The following TMEM196 variants were observed in gnomAD, a reference collection of about 807,000 sequenced individuals.
TMEM196 encodes the protein transmembrane protein 196.
Under a neutral mutation model 20.0 loss-of-function variants are expected in TMEM196, and 17 were observed. The observed-to-expected ratio is 0.85, with a 90% CI of 0.58 to 1.27. The LOEUF (loss-of-function observed/expected upper bound fraction) is 1.27. Among genes scored for constraint, TMEM196 ranks in the 50% most tolerant of loss-of-function variants. The probability of loss-of-function intolerance (pLI) is 0.00; values close to 1 mark genes in which losing one functional copy is unlikely to be tolerated. For missense variants in TMEM196, 267 were observed against 223.0 expected (o/e 1.20, Z -1.26); for synonymous variants, 113 against 88.9 (o/e 1.27, Z -1.52).
At chr7:19,728,047 T>G (rs1784061183) in intron 2 of TMEM196, among the ~76,000 whole-genome samples, 1 of 152,150 alleles carries the variant, frequency 6.6e-6, no homozygotes, top group South Asian at 2.1e-4. Flanking sequence ...GGGCGGTAGT[T>G]TCTTAAAAAA....
intron 1 of TMEM196, among the ~76,000 whole-genome samples, chr7:19,770,955 GGC>G (rs1785848235): frequency 6.6e-6 from 1 of 151,822 alleles, no homozygotes; most frequent in African/African-American, 2.4e-5. Flanking sequence ...TTTCGTTGGG[GGC>G]GGGGATTGAG....
intron 1 of TMEM196, among the ~76,000 whole-genome samples, chr7:19,764,973 G>A (rs938897858): frequency 1.2e-4 from 18 of 152,130 alleles, no homozygotes; most frequent in African/African-American, 3.4e-4. Context: ...AATAGAAAAA[G>A]TATAGACTTT....
chr7:19,740,086 T>C (rs562626465), intron 1 of TMEM196, among the ~76,000 whole-genome samples: 66 of 152,278 alleles, frequency 4.3e-4, no homozygotes, highest in African/African-American at 1.5e-3. Context: ...TTAGCACTAT[T>C]AGTAATAACA....
At chr7:19,755,713 A>G (rs777614831) in intron 1 of TMEM196, among the ~76,000 whole-genome samples, 12 of 152,166 alleles carry the variant, frequency 7.9e-5, no homozygotes, top group Non-Finnish European at 1.6e-4. Context: ...GACTTTCCTC[A>G]TCTATTGTTA....
chr7:19,723,662 G>C (rs559088672), intron 4 of TMEM196, among the ~76,000 whole-genome samples: 1 of 152,106 alleles, frequency 6.6e-6, no homozygotes, highest in Non-Finnish European at 1.5e-5. Flanking sequence ...GGACCAATGT[G>C]ACTATTTGCA....
At chr7:19,753,999 C>A (rs541133013) in intron 1 of TMEM196, among the ~76,000 whole-genome samples, 1 of 152,182 alleles carries the variant, frequency 6.6e-6, no homozygotes, top group Non-Finnish European at 1.5e-5. Context: ...ACAGGATTTG[C>A]ATACACTTTA....
At chr7:19,722,324 A>C (rs1395111186) in intron 4 of TMEM196, among the ~76,000 whole-genome samples, 190 bp from the exon 5 acceptor site, 1 of 152,144 alleles carries the variant, frequency 6.6e-6, no homozygotes, top group Non-Finnish European at 1.5e-5. Flanking sequence ...GCAAATGCCA[A>C]AGTAAGAGTC....
At chr7:19,764,891 G>C (rs1202093563) in intron 1 of TMEM196, among the ~76,000 whole-genome samples, 3 of 152,096 alleles carry the variant, frequency 2.0e-5, no homozygotes, top group Non-Finnish European at 2.9e-5. Context: ...GTATTCAAGG[G>C]TGGGGAGCAA....
chr7:19,753,965 C>A (rs1785098977), intron 1 of TMEM196, among the ~76,000 whole-genome samples: 1 of 152,140 alleles, frequency 6.6e-6, no homozygotes, highest in Non-Finnish European at 1.5e-5. Context: ...CATCTATGAC[C>A]CTCTTCACCT....
At chr7:19,749,201 A>C (rs1423499696) in intron 1 of TMEM196, among the ~76,000 whole-genome samples, 2 of 152,252 alleles carry the variant, frequency 1.3e-5, no homozygotes, top group African/African-American at 4.8e-5. Context: ...AGGAGTTAAT[A>C]TATGAACAAG....
rs1047279962 is a variant in TMEM196, at chr7:19,725,390, A to G, written c.459+124T>C. 1.3e-5 allele frequency: 17 copies of G among 1,296,014 alleles called. No individual in the cohort carries two copies. In the East Asian group the frequency reaches 1.5e-4, roughly 11 times the overall value. 80.3% of individuals were successfully genotyped at this position (1,296,014 alleles called of 1,614,324 possible). The stretch of plus-strand genomic sequence containing the variant: ...AAATAAAATTTCTATTCTTAACCCA[A>G]TAGAGCCAAATGTATAAAATCTGAT... On this transcript the variant is annotated intron_variant, in intron 3 of 4. Transcript: ENST00000405844.
At chr7:19,745,529 T>C (rs948622075) in intron 1 of TMEM196, among the ~76,000 whole-genome samples, 1 of 151,986 alleles carries the variant, frequency 6.6e-6, no homozygotes, top group Non-Finnish European at 1.5e-5. Flanking sequence ...CTTCCCACTG[T>C]ATCTCTTGCC....
chr7:19,739,580 G>A lies in TMEM196; in HGVS notation c.148-10142C>T, dbSNP rs571476898. Among the ~76,000 whole-genome samples the A allele has an allele frequency of 2.2e-4, 34 of 152,162 alleles. 1 individual carries two copies. Among genetic ancestry groups the A allele is most frequent in the African/African-American group, 7.9e-4 (33 of 41,544 alleles). On this transcript the variant is annotated intron_variant, in intron 1 of 4. Transcript: ENST00000405844. ...TCAACAGACACTGAATCTCTGGGCA[G>A]CCTGGGGAAAATATTTGCAACAATA...
intron 1 of TMEM196, among the ~76,000 whole-genome samples, chr7:19,752,855 C>T (rs1191871102): frequency 6.6e-6 from 1 of 152,012 alleles, no homozygotes; most frequent in Admixed American, 6.6e-5. Flanking sequence ...CCTCGTGATC[C>T]ACCTGCCTCA....
intron 1 of TMEM196, among the ~76,000 whole-genome samples, chr7:19,760,608 G>C (rs1323916799): frequency 1.3e-5 from 2 of 152,014 alleles, no homozygotes; most frequent in African/African-American, 4.8e-5. Context: ...CAATCTGCCT[G>C]TCTCGGCCTC....
intron 1 of TMEM196, among the ~76,000 whole-genome samples, chr7:19,764,801 T>C (rs555735813): frequency 6.6e-5 from 10 of 152,254 alleles, no homozygotes; most frequent in Admixed American, 1.3e-4. Flanking sequence ...TGTTGATTGA[T>C]TGACTGTGCT....
intron 1 of TMEM196, among the ~76,000 whole-genome samples, chr7:19,763,245 C>T (rs1447095669): frequency 2.0e-5 from 3 of 152,174 alleles, no homozygotes; most frequent in Admixed American, 2.0e-4. Context: ...GTAACGAAAG[C>T]AGTTGGATTT....
intron 1 of TMEM196, among the ~76,000 whole-genome samples, chr7:19,734,040 A>G (rs1244703176): frequency 5.9e-5 from 9 of 152,184 alleles, no homozygotes; most frequent in Non-Finnish European, 1.3e-4. Context: ...GATGAAGATG[A>G]ACAGGGGCTC....
chr7:19,742,747 T>C (rs1359686356), intron 1 of TMEM196, among the ~76,000 whole-genome samples: 1 of 152,166 alleles, frequency 6.6e-6, no homozygotes. Flanking sequence ...ATTTTTCAAA[T>C]AATGACTTCC....
Sources: gnomAD v4.1 joint callset for allele counts (sites outside exome capture counted in the v4.1 genomes callset) on GRCh38, gnomAD v4.1.1 for gene constraint, MANE v1.5 for transcripts, NCBI Gene and HGNC (gene_info 2026-07-23, HGNC 2026-07-21) for gene names.